The following RASGRP1 variants were observed in gnomAD, a reference collection of about 807,000 sequenced individuals.
RASGRP1 encodes the protein RAS guanyl releasing protein 1, also known as RAS guanyl-releasing protein 1.
Under a neutral mutation model 95.1 loss-of-function variants are expected in RASGRP1, and 37 were observed. The observed-to-expected ratio is 0.39, with a 90% confidence interval of 0.30 to 0.51. The LOEUF is 0.51. RASGRP1 is among the 20% of genes least tolerant of loss of function. The pLI is 0.80. For synonymous variants in RASGRP1, 325 were observed against 353.4 expected (o/e 0.92, Z 0.90); for missense variants, 711 against 965.4 (o/e 0.74, Z 3.49).
rs11413668 is a variant in RASGRP1 at position 38,511,819 on chromosome 15, T to TA, written c.850-100dup. The stretch of plus-strand genomic sequence containing the variant: ...TTGTCTCTGTGCCGTGAGTCTCCCT[T>TA]ACGCTGGTTAAAGACTAGTTACGAG... On this transcript the variant is annotated intron_variant, in intron 7 of 16. Coordinates refer to ENST00000310803, the MANE Select transcript of RASGRP1 (RefSeq NM_005739.4). 0.58 allele frequency: 474,502 copies of TA among 822,046 alleles called. 140,727 individuals are homozygous for TA. The highest frequency in any genetic ancestry group is 0.71 in the South Asian group (47,233 of 66,464). The allele number at this position is 822,046 out of a possible 1,614,324, so 50.9% of individuals were successfully genotyped here. A position where few individuals can be genotyped will look rare whatever the true frequency, so the allele number is the denominator to read the frequency against.
At chr15:38,513,144 C>T (rs1431429515) in intron 6 of RASGRP1, among the ~76,000 whole-genome samples, 188 bp from the exon 7 acceptor site, 1 of 152,170 alleles carries the variant, frequency 6.6e-6, no homozygotes, top group Non-Finnish European at 1.5e-5. Context: ...GGAAATCTTC[C>T]TTATTCTACC....
At chr15:38,498,773 A>T in intron 15 of RASGRP1, 21 bp downstream of exon 15, 1 of 1,605,572 alleles carries the variant, frequency 6.2e-7, no homozygotes, top group Non-Finnish European at 8.5e-7. Flanking sequence ...TCCAAGATGA[A>T]TGTTCCCAGT....
In RASGRP1 at chr15:38,518,358, T is replaced by A; in HGVS notation, c.455A>T (p.Glu152Val). Reference protein sequence around the residue: ...MDASLTDTMEEFQELVKAKGE... With the variant: ...MDASLTDTMEVFQELVKAKGE... ...CTTAGCTTTCACCAGTTCCTGAAAC[T>A]CCTCCATAGTGTCTGTCAAGCTGGC... Residue 152 changes from glutamate to valine, a missense_variant, in exon 5 of 17, where the codon GAG becomes GTG. By Grantham distance (121) the Glu-to-Val change is moderately radical (BLOSUM62 -2). This residue lies in a region of RASGRP1 where 491 missense variants were observed against 676.6 expected (regional missense o/e 0.73). Coordinates refer to ENST00000310803, the MANE Select transcript of RASGRP1 (RefSeq NM_005739.4). The A allele has an allele frequency of 6.2e-7, 1 of 1,609,362 alleles. No individual in the cohort carries two copies. Among genetic ancestry groups the A allele is most frequent in the Non-Finnish European group, 8.5e-7 (1 of 1,177,856 alleles).
intron 6 of RASGRP1, among the ~76,000 whole-genome samples, chr15:38,515,928 T>A (rs1891758588): frequency 6.6e-6 from 1 of 151,188 alleles, no homozygotes; most frequent in South Asian, 2.1e-4. Flanking sequence ...TGTGTGTGTG[T>A]GATGTGTGCC....
intron 2 of RASGRP1, among the ~76,000 whole-genome samples, chr15:38,555,102 A>G (rs1279804594): frequency 6.6e-6 from 1 of 152,182 alleles, no homozygotes; most frequent in Non-Finnish European, 1.5e-5. Context: ...TGTTACGGAG[A>G]GGGCTATGGC....
intron 2 of RASGRP1, among the ~76,000 whole-genome samples, chr15:38,555,860 G>A (rs1472175849): frequency 6.6e-6 from 1 of 152,160 alleles, no homozygotes; most frequent in Non-Finnish European, 1.5e-5. Context: ...CTGGGGTGGA[G>A]TTGTGTATGT....
intron 4 of RASGRP1, 47 bp downstream of exon 4, chr15:38,519,262 A>C: frequency 6.8e-7 from 1 of 1,480,342 alleles, no homozygotes; most frequent in Non-Finnish European, 9.4e-7. Context: ...TTCACCTTTC[A>C]TTTCACCTTG....
intron 2 of RASGRP1, among the ~76,000 whole-genome samples, chr15:38,553,289 G>C (rs1352572133): frequency 6.6e-6 from 1 of 152,166 alleles, no homozygotes; most frequent in African/African-American, 2.4e-5. Context: ...CTGCGGCTGG[G>C]GCCCGAACTG....
intron 8 of RASGRP1, among the ~76,000 whole-genome samples, chr15:38,508,219 T>C (rs1031026733): frequency 6.6e-6 from 1 of 152,228 alleles, no homozygotes; most frequent in African/African-American, 2.4e-5. Flanking sequence ...CAAGATATGC[T>C]TGAATCTGTT....
At chr15:38,507,689 A>G (rs780252035) in intron 9 of RASGRP1, 37 bp downstream of exon 9, 10 of 1,543,024 alleles carry the variant, frequency 6.5e-6, no homozygotes, top group Non-Finnish European at 8.8e-6. Context: ...TGGCACACAG[A>G]AAGTGCTTAG....
intron 2 of RASGRP1, among the ~76,000 whole-genome samples, chr15:38,531,540 T>G (rs1368610565): frequency 1.3e-5 from 2 of 152,192 alleles, no homozygotes; most frequent in African/African-American, 4.8e-5. Flanking sequence ...GAACTCAGGG[T>G]TCTGTGCTTA....
At chr15:38,529,367 G>T (rs11073335) in intron 2 of RASGRP1, among the ~76,000 whole-genome samples, 9 of 151,980 alleles carry the variant, frequency 5.9e-5, no homozygotes, top group Non-Finnish European at 1.3e-4. Context: ...ATACCACATT[G>T]CTCCTCTCCA....
chr15:38,505,947 A>C, intron 9 of RASGRP1, 27 bp from the exon 10 acceptor site: 1 of 1,545,134 alleles, frequency 6.5e-7, no homozygotes, highest in Non-Finnish European at 8.9e-7. Flanking sequence ...AACAGGGTTC[A>C]TTGCTAAGAT....
intron 6 of RASGRP1, among the ~76,000 whole-genome samples, chr15:38,515,788 C>CT (rs1242778071): frequency 3.4e-4 from 46 of 134,812 alleles, no homozygotes; most frequent in Middle Eastern, 3.8e-3. Flanking sequence ...ACCCCCCCCC[C>CT]TTTTTTTTTT....
In RASGRP1 at chr15:38,507,754, GC is replaced by G; in HGVS notation, c.1213del (p.Ala405LeufsTer9). 6.3e-7 allele frequency: 1 copy of G among 1,581,188 alleles called. No homozygotes were observed. The highest frequency in any genetic ancestry group is 8.6e-7 in the Non-Finnish European group (1 of 1,162,992). ...CAGCAAGTGTACCAAGTCCTTGTTA[GC>G]CTCCAAGGGTGGGGCCACCTCTTGC... is the stretch of plus-strand genomic sequence containing the variant. ...QLQEVAPPLE[A>X]NKDLVHLLTL... On this transcript the variant is annotated frameshift_variant, in exon 9 of 17. Coordinates refer to ENST00000310803, the MANE Select transcript of RASGRP1 (RefSeq NM_005739.4). LOFTEE classifies it high-confidence loss of function.
intron 2 of RASGRP1, among the ~76,000 whole-genome samples, chr15:38,548,722 A>G (rs1426685674): frequency 1.3e-5 from 2 of 152,210 alleles, no homozygotes; most frequent in Non-Finnish European, 2.9e-5. Context: ...ATGTGTACAC[A>G]CACATAATTT....
At chr15:38,546,155 G>GT (rs1037974922) in intron 2 of RASGRP1, among the ~76,000 whole-genome samples, 2 of 152,152 alleles carry the variant, frequency 1.3e-5, no homozygotes, top group Non-Finnish European at 2.9e-5. Flanking sequence ...GATTGCTACT[G>GT]TTTTTGAGTA....
intron 2 of RASGRP1, among the ~76,000 whole-genome samples, chr15:38,548,880 T>C (rs1203050298): frequency 6.6e-6 from 1 of 152,224 alleles, no homozygotes. Flanking sequence ...AGGTAGACAC[T>C]GGTAGTTACT....
intron 2 of RASGRP1, among the ~76,000 whole-genome samples, chr15:38,538,873 G>A (rs1402410577): frequency 6.6e-6 from 1 of 152,148 alleles, no homozygotes; most frequent in Non-Finnish European, 1.5e-5. Flanking sequence ...ACGGATGTCT[G>A]GTTAACTTGT....
Sources: gnomAD v4.1 joint callset for allele counts (sites outside exome capture counted in the v4.1 genomes callset) on GRCh38, gnomAD v4.1.1 for gene constraint, gnomAD v4.1.1 regional missense constraint, MANE v1.5 for transcripts, NCBI Gene and HGNC (gene_info 2026-07-23, HGNC 2026-07-21) for gene names.